Variants in RBFOX1 observed in about 807,000 individuals in gnomAD.
RBFOX1 encodes the protein RNA binding fox-1 homolog 1, also known as RNA binding protein fox-1 homolog 1.
A neutral mutation model predicts 57.7 loss-of-function variants in RBFOX1; 8 were observed. That is an observed-to-expected ratio of 0.14 (90% CI 0.08 to 0.25). The LOEUF (loss-of-function observed/expected upper bound fraction) is 0.25. Among genes scored for constraint, RBFOX1 ranks in the 10% least tolerant of loss-of-function variants. The probability of loss-of-function intolerance (pLI) is 1.00; values close to 1 mark genes in which losing one functional copy is unlikely to be tolerated. For missense variants in RBFOX1, 611 were observed against 548.5 expected (o/e 1.11, Z -1.14); for synonymous variants, 326 against 222.4 (o/e 1.47, Z -4.15).
intron 2 of RBFOX1, chr16:6,483,120 C>T (rs935350048): frequency 6.7e-6 from 7 of 1,037,218 alleles, no homozygotes; most frequent in Admixed American, 5.9e-5. Context: ...CCCCAGTATC[C>T]ACTGCCTTCC....
chr16:6,788,928 C>T (rs528397466), intron 3 of RBFOX1, among the ~76,000 whole-genome samples: 1 of 152,260 alleles, frequency 6.6e-6, no homozygotes, highest in Admixed American at 6.5e-5. Context: ...AAGCCAACTT[C>T]CCGAGTTCCT....
chr16:7,630,853 A>T (rs1002068981), intron 11 of RBFOX1, among the ~76,000 whole-genome samples, 170 bp downstream of exon 11: 3 of 151,686 alleles, frequency 2.0e-5, no homozygotes, highest in Admixed American at 6.6e-5. Flanking sequence ...CACTTCCCAG[A>T]TGTCCTGGAC....
intron 5 of RBFOX1, among the ~76,000 whole-genome samples, chr16:7,519,131 C>G (rs1441638561): frequency 1.3e-5 from 2 of 152,122 alleles, no homozygotes; most frequent in Non-Finnish European, 2.9e-5. Context: ...CGGAGTTGTG[C>G]GATGATTGCC....
At chr16:5,909,871 G>T (rs1220111828) in intron 4 of RBFOX1, among the ~76,000 whole-genome samples, 1 of 152,036 alleles carries the variant, frequency 6.6e-6, no homozygotes, top group Non-Finnish European at 1.5e-5. Flanking sequence ...TGACCAATAT[G>T]GTGAAACCCC....
chr16:6,623,353 G>C (rs868322376), intron 2 of RBFOX1, among the ~76,000 whole-genome samples: 3 of 152,216 alleles, frequency 2.0e-5, no homozygotes, highest in Non-Finnish European at 4.4e-5. Flanking sequence ...GAAGGACAGT[G>C]AAACCCAAAT....
intron 2 of RBFOX1, among the ~76,000 whole-genome samples, chr16:6,461,710 A>C (rs2094925565): frequency 6.6e-6 from 1 of 151,986 alleles, no homozygotes; most frequent in Non-Finnish European, 1.5e-5. Flanking sequence ...TTTTTTTCTC[A>C]GTGGCAATCT....
At chr16:6,872,431 G>C (rs1006067682) in intron 3 of RBFOX1, among the ~76,000 whole-genome samples, 4 of 151,814 alleles carry the variant, frequency 2.6e-5, no homozygotes, top group Non-Finnish European at 5.9e-5. Flanking sequence ...AACACTTTAA[G>C]AACTATTTCT....
intron 2 of RBFOX1, among the ~76,000 whole-genome samples, chr16:6,394,488 A>G (rs772829477): frequency 2.1e-5 from 3 of 144,684 alleles, no homozygotes; most frequent in Non-Finnish European, 4.5e-5. Context: ...TACCCCCCAG[A>G]ATAGCAGTGG....
At chr16:7,332,979 G>A (rs766575628) in intron 4 of RBFOX1, 2 of 1,613,140 alleles carry the variant, frequency 1.2e-6, no homozygotes, top group Non-Finnish European at 1.7e-6. Flanking sequence ...AGCTTCAGAG[G>A]GAATAATAAC....
At chr16:6,945,172 GC>G (rs2079254265) in intron 3 of RBFOX1, among the ~76,000 whole-genome samples, 1 of 152,164 alleles carries the variant, frequency 6.6e-6, no homozygotes, top group Non-Finnish European at 1.5e-5. Context: ...GGAAAAAAGG[GC>G]TGTGACCTCA....
chr16:7,073,424 C>T (rs894770287), intron 4 of RBFOX1, among the ~76,000 whole-genome samples: 15 of 152,050 alleles, frequency 9.9e-5, no homozygotes, highest in African/African-American at 3.1e-4. Flanking sequence ...ATGAGTTAGC[C>T]GAGCGCTGCC....
At chr16:6,239,721 A>G (rs372817179) in intron 1 of RBFOX1, among the ~76,000 whole-genome samples, 2 of 150,306 alleles carry the variant, frequency 1.3e-5, no homozygotes, top group African/African-American at 4.9e-5. Flanking sequence ...CTGGTCTTGA[A>G]CTCCTGACCT....
chr16:6,902,154 T>A (rs1170170839), intron 3 of RBFOX1, among the ~76,000 whole-genome samples: 1 of 152,192 alleles, frequency 6.6e-6, no homozygotes, highest in Non-Finnish European at 1.5e-5. Context: ...GTGGTGCTTT[T>A]CGTACCTGGG....
Position 5,946,138 on chromosome 16 carries a change from C to T in RBFOX1, c.351+78803C>T, listed in dbSNP as rs946673530. On this transcript the variant is annotated intron_variant, in intron 4 of 19. Coordinates refer to the RBFOX1 transcript ENST00000641259. This position sits in a 1 kb window ranked among gnomAD's most constrained non-coding sequence, Gnocchi z 4.6. The stretch of plus-strand genomic sequence containing the variant: ...TAAAAAAGATTTTGTTAATAGACCA[C>T]CACTCCTGTCCTAACATGGCAGGAT... 2.0e-5 allele frequency among the ~76,000 whole-genome samples: 3 copies of T among 152,166 alleles called. No homozygotes were observed. Among genetic ancestry groups the T allele is most frequent in the Non-Finnish European group, 4.4e-5 (3 of 68,022 alleles).
intron 2 of RBFOX1, among the ~76,000 whole-genome samples, chr16:6,448,626 C>T (rs1277570106): frequency 2.0e-5 from 3 of 152,118 alleles, no homozygotes; most frequent in South Asian, 2.1e-4. Flanking sequence ...TTCTTTTTCC[C>T]CCTAAATGTC....
intron 2 of RBFOX1, among the ~76,000 whole-genome samples, chr16:6,446,161 C>G (rs2094481128): frequency 6.6e-6 from 1 of 152,022 alleles, no homozygotes; most frequent in Non-Finnish European, 1.5e-5. Flanking sequence ...AATTTTTAAG[C>G]CTAGTTAATT....
At chr16:5,911,596 G>A (rs779269631) in intron 4 of RBFOX1, among the ~76,000 whole-genome samples, 4 of 152,130 alleles carry the variant, frequency 2.6e-5, no homozygotes, top group Admixed American at 6.5e-5. Context: ...CGGGGGGTGC[G>A]GAGGCATTGT....
intron 6 of RBFOX1, 48 bp from the exon 7 acceptor site, chr16:7,587,199 C>G (rs573724008): frequency 2.7e-6 from 4 of 1,472,812 alleles, no homozygotes; most frequent in African/African-American, 1.4e-5. Context: ...ATAGTAATGT[C>G]TACTGCATTT....
chr16:6,370,163 C>G (rs1012091136), intron 2 of RBFOX1, among the ~76,000 whole-genome samples: 2 of 151,766 alleles, frequency 1.3e-5, no homozygotes, highest in Non-Finnish European at 2.9e-5. Flanking sequence ...TCGAGACCGT[C>G]CTGGCTAATG....
Sources: gnomAD v4.1 joint callset for allele counts (sites outside exome capture counted in the v4.1 genomes callset) on GRCh38, gnomAD v4.1.1 for gene constraint, Gnocchi (gnomAD v3.1) non-coding constraint, MANE v1.5 for transcripts, NCBI Gene and HGNC (gene_info 2026-07-23, HGNC 2026-07-21) for gene names.